The following SMAD1 variants were observed in gnomAD, a reference collection of about 807,000 sequenced individuals.
The protein encoded by SMAD1 is SMAD family member 1.
A neutral mutation model predicts 41.6 loss-of-function variants in SMAD1; 6 were observed. The ratio of observed to expected loss-of-function variants is 0.14; its 90% CI spans 0.08 to 0.28. SMAD1 has a LOEUF of 0.28. Among genes scored for constraint, SMAD1 ranks in the 10% least tolerant of loss-of-function variants. The pLI is 1.00. For synonymous variants in SMAD1, 206 were observed against 203.2 expected (o/e 1.01, Z -0.12); for missense variants, 379 against 582.6 (o/e 0.65, Z 3.60).
At chr4:145,494,685 G>T (rs1298567829) in intron 1 of SMAD1, among the ~76,000 whole-genome samples, 1 of 152,186 alleles carries the variant, frequency 6.6e-6, no homozygotes, top group African/African-American at 2.4e-5. Context: ...GAACGGTTGG[G>T]CTGGCACACA....
chr4:145,530,412 T>C (rs183286964), intron 2 of SMAD1, among the ~76,000 whole-genome samples: 14 of 152,290 alleles, frequency 9.2e-5, no homozygotes, highest in Admixed American at 4.6e-4. Context: ...TATGGAGTCA[T>C]AGCAGACGTT....
Position 145,539,873 on chromosome 4 carries a change from G to T in SMAD1, c.470G>T (p.Arg157Leu), listed in dbSNP as rs752342788. The change falls in exon 3 of 7, where the codon CGT becomes CTT. Residue 157 changes from arginine to leucine, a missense_variant. Physicochemically the swap from Arg to Leu is moderately radical, Grantham distance 102. This residue lies in a region of SMAD1 where 208 missense variants were observed against 210.5 expected (regional missense o/e 0.99). Transcript: ENST00000302085. ...CAGCACAGCCTCTTAGCTCAGTTCCGTAACTTAGGACAAAATGAGCCTCAC... is the reference window on the plus strand; with the variant it reads ...CAGCACAGCCTCTTAGCTCAGTTCCTTAACTTAGGACAAAATGAGCCTCAC... ...NPQHSLLAQFRNLGQNEPHMP... is the reference protein window; with the variant it reads ...NPQHSLLAQFLNLGQNEPHMP... 6.2e-7 allele frequency: 1 copy of T among 1,613,680 alleles called. No individual in the cohort carries two copies. The highest frequency in any genetic ancestry group is 1.3e-5 in the African/African-American group (1 of 74,782).
chr4:145,520,298 A>G (rs1047242263), intron 2 of SMAD1, among the ~76,000 whole-genome samples: 4 of 152,248 alleles, frequency 2.6e-5, no homozygotes, highest in African/African-American at 9.6e-5. Flanking sequence ...ACAATAGCCA[A>G]GGTATGAAGT....
intron 1 of SMAD1, chr4:145,513,453 T>C (rs1225212166): frequency 6.6e-6 from 1 of 152,246 alleles, no homozygotes; most frequent in Non-Finnish European, 1.5e-5. Context: ...ACAGTTTAAA[T>C]GAGGCAACTT....
rs1732963280 is a variant in SMAD1, at chr4:145,558,371, T to C, written c.*437T>C. ...GGTTTAGAGCCCATGTTGAGTCTTC[T>C]TTTCATGGGTTTTCATAATATTTTA... On this transcript the variant is annotated 3_prime_UTR_variant, in exon 7 of 7. Transcript: ENST00000302085. Among the ~76,000 whole-genome samples the C allele has an allele frequency of 6.6e-6, 1 of 152,216 alleles. No individual in the cohort carries two copies. The highest frequency in any genetic ancestry group is 6.5e-5 in the Admixed American group (1 of 15,278).
At chr4:145,488,336 TTATACATAAGTTTTAATGCTTTATTTG>T (rs1202208374) in intron 1 of SMAD1, among the ~76,000 whole-genome samples, 54 of 152,240 alleles carry the variant, frequency 3.5e-4, no homozygotes, top group African/African-American at 1.3e-3. Flanking sequence ...GAATATATTT[TTATACATAAGTTTTAATGCTTTATTTG>T]TAGTTTCCCC....
At chr4:145,534,614 G>A (rs780177784) in intron 2 of SMAD1, among the ~76,000 whole-genome samples, 1 of 152,136 alleles carries the variant, frequency 6.6e-6, no homozygotes, top group African/African-American at 2.4e-5. Context: ...TAAAAGACTC[G>A]AACATTTATG....
intron 1 of SMAD1, among the ~76,000 whole-genome samples, chr4:145,486,678 A>T (rs1330187562): frequency 6.6e-6 from 1 of 152,208 alleles, no homozygotes; most frequent in African/African-American, 2.4e-5. Context: ...GTGCTTTCAT[A>T]AACATTAAGA....
chr4:145,543,560 G>C (rs1396675100), intron 4 of SMAD1, among the ~76,000 whole-genome samples: 1 of 152,200 alleles, frequency 6.6e-6, no homozygotes, highest in East Asian at 1.9e-4. Flanking sequence ...TGAAGAACTT[G>C]CAAGCAGAAA....
intron 5 of SMAD1, among the ~76,000 whole-genome samples, chr4:145,553,307 A>G (rs1324361032): frequency 6.6e-6 from 1 of 152,096 alleles, no homozygotes; most frequent in Admixed American, 6.5e-5. Context: ...TATCAGTCAT[A>G]CATCAGCCAT....
At chr4:145,497,211 C>T (rs921595484) in intron 1 of SMAD1, 1 of 152,194 alleles carries the variant, frequency 6.6e-6, no homozygotes, top group Non-Finnish European at 1.5e-5. Flanking sequence ...TTATCTGTCC[C>T]ATTTTTCATA....
intron 2 of SMAD1, among the ~76,000 whole-genome samples, chr4:145,526,139 T>C (rs1371091414): frequency 2.0e-5 from 3 of 152,218 alleles, no homozygotes; most frequent in Non-Finnish European, 4.4e-5. Flanking sequence ...TCACCTTCAC[T>C]TGACTAATTG....
Position 145,519,030 on chromosome 4 carries a change from T to C in SMAD1, c.400+4017T>C, listed in dbSNP as rs1730576276. ...TATTTGCTTATTTCTTTCTTTTTCT[T>C]TTTTTCTCTTTTTTTTACTGCCTAT... On this transcript the variant is annotated intron_variant, in intron 2 of 6. Coordinates refer to ENST00000302085, the MANE Select transcript of SMAD1 (RefSeq NM_005900.3). 4.0e-5 allele frequency among the ~76,000 whole-genome samples: 5 copies of C among 123,634 alleles called. No individual in the cohort carries two copies. In the South Asian group the frequency reaches 1.3e-3, roughly 32 times the overall value. The allele number at this position is 123,634 out of a possible 152,430, so 81.1% of individuals were successfully genotyped here.
Position 145,542,651 on chromosome 4 carries a change from A to C in SMAD1, c.728A>C (p.Asp243Ala). ...ACCCAGGATGGCTCTCAGCCGATGG[A>C]CACAAACATGATGGCGCCTCCCCTG... ...PMTQDGSQPM[D>A]TNMMAPPLPS... is the part of the protein sequence containing the mutation. Residue 243 changes from aspartate (D) to alanine (A), a missense_variant, in exon 4 of 7, where the codon GAC becomes GCC. Asp to Ala is a moderately radical substitution (Grantham distance 126). Coordinates refer to ENST00000302085, the MANE Select transcript of SMAD1 (RefSeq NM_005900.3). 1 of 1,613,494 alleles carries C rather than the reference A, an allele frequency of 6.2e-7. No homozygotes were observed. Among genetic ancestry groups the C allele is most frequent in the Non-Finnish European group, 8.5e-7 (1 of 1,179,778 alleles).
chr4:145,542,639 C>T lies in SMAD1; in HGVS notation c.716C>T (p.Ser239Phe), dbSNP rs1256260063. 6.2e-7 allele frequency: 1 copy of T among 1,613,766 alleles called. No individual in the cohort carries two copies. The highest frequency in any genetic ancestry group is 1.1e-5 in the South Asian group (1 of 90,946). ...GAAGACCCCATGACCCAGGATGGCT[C>T]TCAGCCGATGGACACAAACATGATG... ...PPEDPMTQDG[S>F]QPMDTNMMAP... The change falls in exon 4 of 7, where the codon TCT becomes TTT. Residue 239 changes from serine to phenylalanine, a missense_variant. Ser to Phe is a radical substitution (Grantham distance 155). Coordinates refer to ENST00000302085, the MANE Select transcript of SMAD1 (RefSeq NM_005900.3).
At chr4:145,543,725 A>C (rs930039029) in intron 4 of SMAD1, among the ~76,000 whole-genome samples, 2 of 152,188 alleles carry the variant, frequency 1.3e-5, no homozygotes, top group Non-Finnish European at 2.9e-5. Flanking sequence ...CAGGTAAATA[A>C]GTTCGGTAGA....
intron 1 of SMAD1, among the ~76,000 whole-genome samples, chr4:145,499,149 C>T (rs1172204520): frequency 6.6e-6 from 1 of 152,178 alleles, no homozygotes; most frequent in East Asian, 1.9e-4. Flanking sequence ...CAAGATTTAA[C>T]TCCTGGTTGT....
chr4:145,488,002 GAACTT>G (rs1288398068), intron 1 of SMAD1, among the ~76,000 whole-genome samples: 2 of 152,086 alleles, frequency 1.3e-5, no homozygotes, highest in African/African-American at 2.4e-5. Context: ...GCTAAAATCT[GAACTT>G]TAGAGAAGAC....
rs1489454560 is a variant in SMAD1 at position 145,514,785 on chromosome 4, C to A, written c.172C>A (p.Pro58Thr). Residue 58 changes from proline (P) to threonine (T), a missense_variant, in exon 2 of 7, where the codon CCA (proline) becomes ACA (threonine). Physicochemically the swap from Pro to Thr is conservative, Grantham distance 38. Around this residue, in one of 3 missense-constraint regions of SMAD1, gnomAD observed 64 missense variants for 153.9 expected, o/e 0.42. Coordinates refer to ENST00000302085, the MANE Select transcript of SMAD1 (RefSeq NM_005900.3). This position sits in a 1 kb window ranked among gnomAD's most constrained non-coding sequence, Gnocchi z 4.7. The stretch of plus-strand genomic sequence containing the variant: ...GGAACTGGAAAAGGCCTTGAGCTGC[C>A]CAGGGCAACCGAGTAACTGTGTCAC... Reference protein sequence around the residue: ...MEELEKALSCPGQPSNCVTIP... With the variant: ...MEELEKALSCTGQPSNCVTIP... The A allele has an allele frequency of 1.9e-6, 3 of 1,613,922 alleles. No individual in the cohort carries two copies. Among genetic ancestry groups the A allele is most frequent in the Admixed American group, 3.3e-5 (2 of 59,980 alleles).
Sources: gnomAD v4.1 joint callset for allele counts (sites outside exome capture counted in the v4.1 genomes callset) on GRCh38, gnomAD v4.1.1 for gene constraint, gnomAD v4.1.1 regional missense constraint, Gnocchi (gnomAD v3.1) non-coding constraint, MANE v1.5 for transcripts, NCBI Gene and HGNC (gene_info 2026-07-23, HGNC 2026-07-21) for gene names.